The following ALK variants were observed in gnomAD, a reference collection of about 807,000 sequenced individuals.
ALK encodes ALK tyrosine kinase receptor.
Under a neutral mutation model 163.1 loss-of-function variants are expected in ALK, and 74 were observed. That is an observed-to-expected ratio of 0.45 (90% confidence interval 0.38 to 0.55). ALK has a LOEUF of 0.55. Ranked by LOEUF, ALK falls within the 20% of genes least tolerant of loss-of-function variation. The pLI, the probability that ALK is intolerant of heterozygous loss-of-function variation, is 0.00. For synonymous variants in ALK, 960 were observed against 843.2 expected (o/e 1.14, Z -2.40); for missense variants, 2,063 against 2,105.3 (o/e 0.98, Z 0.39).
At chr2:29,754,374 T>C (rs532146302) in intron 1 of ALK, among the ~76,000 whole-genome samples, 2 of 152,266 alleles carry the variant, frequency 1.3e-5, no homozygotes, top group African/African-American at 4.8e-5. Flanking sequence ...GACCCCATCA[T>C]ACACTTCACG....
chr2:29,784,958 C>T (rs1286477241), intron 1 of ALK, among the ~76,000 whole-genome samples: 2 of 129,376 alleles, frequency 1.5e-5, no homozygotes, highest in Non-Finnish European at 3.2e-5. Flanking sequence ...CTTCCACCAG[C>T]AGTTTTGAAT....
intron 3 of ALK, among the ~76,000 whole-genome samples, chr2:29,599,662 G>C (rs898188694): frequency 6.6e-6 from 1 of 152,190 alleles, no homozygotes; most frequent in Non-Finnish European, 1.5e-5. Flanking sequence ...TTGAGCATAA[G>C]CTGACACTTC....
chr2:29,920,014 GA>G lies in ALK; in HGVS notation c.645del (p.Leu216SerfsTer33). The G allele has an allele frequency of 6.2e-7, 1 of 1,614,040 alleles. No homozygotes were observed. Among genetic ancestry groups the G allele is most frequent in the East Asian group, 2.2e-5 (1 of 44,880 alleles). On this transcript the variant is annotated frameshift_variant, in exon 1 of 29. Transcript: ENST00000389048. LOFTEE classifies it high-confidence loss of function. ...TCACCAGTCCCGAAGATCTGGAAGAGAAGGCGGGGCTGGGAGGCGCGAATTG... is the reference window on the plus strand; with the variant it reads ...TCACCAGTCCCGAAGATCTGGAAGAGAGGCGGGGCTGGGAGGCGCGAATTG... ...SAAIRASQPR[L>X]LFQIFGTGHS...
At chr2:29,360,619 A>G (rs1668363930) in intron 5 of ALK, among the ~76,000 whole-genome samples, 1 of 152,162 alleles carries the variant, frequency 6.6e-6, no homozygotes, top group South Asian at 2.1e-4. Context: ...TACAGAAATG[A>G]TTCATGGACT....
At chr2:29,354,282 C>T (rs1159151455) in intron 5 of ALK, among the ~76,000 whole-genome samples, 1 of 152,226 alleles carries the variant, frequency 6.6e-6, no homozygotes, top group Non-Finnish European at 1.5e-5. Context: ...CTGCGTGACT[C>T]CTTCCTGGCT....
intron 4 of ALK, among the ~76,000 whole-genome samples, chr2:29,485,518 T>C (rs1671757808): frequency 6.6e-6 from 1 of 152,264 alleles, no homozygotes; most frequent in Non-Finnish European, 1.5e-5. Flanking sequence ...ATCTTAAATG[T>C]ATTCATTTGA....
At chr2:29,708,390 A>G (rs1387767955) in intron 2 of ALK, among the ~76,000 whole-genome samples, 1 of 152,174 alleles carries the variant, frequency 6.6e-6, no homozygotes, top group Admixed American at 6.5e-5. Context: ...TAAACAGGCA[A>G]TGCAGAGGTG....
chr2:29,216,933 G>GGGCATGTTTGT (rs147678836), intron 23 of ALK, among the ~76,000 whole-genome samples: 1 of 140,918 alleles, frequency 7.1e-6, no homozygotes, highest in Non-Finnish European at 1.5e-5. Context: ...GGTGTGTGGG[G>GGGCATGTTTGT]GGTGTGTGTG....
rs1253416918 is a variant in ALK at position 29,227,951 on chromosome 2, C to A, written c.2816-279G>T. Among the ~76,000 whole-genome samples, 4 of 152,152 alleles carry A rather than the reference C, an allele frequency of 2.6e-5. No homozygotes were observed. The highest frequency in any genetic ancestry group is 1.9e-4 in the East Asian group (1 of 5,182). The stretch of plus-strand genomic sequence containing the variant: ...AGAAGTGGTTAATGTGAGCAAGAGT[C>A]CAAAAAGTTCTAGTCTTTCCAGGCT... On this transcript the variant is annotated intron_variant, in intron 16 of 28. Coordinates refer to ENST00000389048, the MANE Select transcript of ALK (RefSeq NM_004304.5). This position sits in a 1 kb window ranked among gnomAD's most constrained non-coding sequence, Gnocchi z 4.4.
chr2:29,613,747 T>G (rs1011800823), intron 3 of ALK, among the ~76,000 whole-genome samples: 3 of 152,228 alleles, frequency 2.0e-5, no homozygotes, highest in Admixed American at 1.3e-4. Flanking sequence ...ATAAAACGAA[T>G]TTGTACTGTC....
chr2:29,494,028 G>A (rs905822007), intron 4 of ALK, among the ~76,000 whole-genome samples: 1 of 152,230 alleles, frequency 6.6e-6, no homozygotes, highest in East Asian at 1.9e-4. Context: ...CAGGCAGGTT[G>A]CTCAGTGTCT....
chr2:29,324,750 C>A (rs1197010191), intron 6 of ALK, among the ~76,000 whole-genome samples: 1 of 152,158 alleles, frequency 6.6e-6, no homozygotes, highest in Non-Finnish European at 1.5e-5. Flanking sequence ...CCCTTCAGTG[C>A]ATTACAGCAT....
chr2:29,288,692 T>C (rs555560408), intron 9 of ALK, among the ~76,000 whole-genome samples: 41 of 152,234 alleles, frequency 2.7e-4, no homozygotes, highest in Non-Finnish European at 5.0e-4. Flanking sequence ...GGCTCATGCC[T>C]GTAATCCCAG....
chr2:29,632,198 A>G (rs1321712116), intron 3 of ALK, among the ~76,000 whole-genome samples: 8 of 152,208 alleles, frequency 5.3e-5, no homozygotes, highest in African/African-American at 1.4e-4. Flanking sequence ...GTATGAGTCA[A>G]TAAAAATGAG....
chr2:29,727,299 C>T (rs1236921871), intron 1 of ALK, among the ~76,000 whole-genome samples: 1 of 152,092 alleles, frequency 6.6e-6, no homozygotes, highest in Non-Finnish European at 1.5e-5. Flanking sequence ...CCTTTCAATC[C>T]CTCTTTATCT....
chr2:29,474,501 T>C (rs1317681420), intron 4 of ALK, among the ~76,000 whole-genome samples: 4 of 152,190 alleles, frequency 2.6e-5, no homozygotes, highest in Non-Finnish European at 5.9e-5. Context: ...AAAGGAAAAA[T>C]AGCAACGACG....
intron 2 of ALK, among the ~76,000 whole-genome samples, chr2:29,701,857 C>T (rs1678748285): frequency 6.6e-6 from 1 of 152,150 alleles, no homozygotes; most frequent in African/African-American, 2.4e-5. Flanking sequence ...TGATGTTACT[C>T]AGATAGGAAG....
At chr2:29,829,823 G>T (rs1175208492) in intron 1 of ALK, among the ~76,000 whole-genome samples, 3 of 152,136 alleles carry the variant, frequency 2.0e-5, no homozygotes, top group Non-Finnish European at 4.4e-5. Flanking sequence ...AGCCTGCATG[G>T]CCCTAACCTG....
intron 3 of ALK, among the ~76,000 whole-genome samples, chr2:29,669,965 C>G (rs565901761): frequency 1.3e-5 from 2 of 152,098 alleles, no homozygotes; most frequent in South Asian, 4.1e-4. Flanking sequence ...TTTATATTAC[C>G]TATCTCTCAA....
Sources: gnomAD v4.1 joint callset for allele counts (sites outside exome capture counted in the v4.1 genomes callset) on GRCh38, gnomAD v4.1.1 for gene constraint, Gnocchi (gnomAD v3.1) non-coding constraint, MANE v1.5 for transcripts, NCBI Gene and HGNC (gene_info 2026-07-23, HGNC 2026-07-21) for gene names.